The following UCMA variants were observed in gnomAD, a reference collection of about 807,000 sequenced individuals.
The protein encoded by UCMA is upper zone of growth plate and cartilage matrix associated, also known as upper zone of growth plate and cartilage matrix-associated protein.
In UCMA, 21 loss-of-function variants were observed where a neutral mutation model predicts 21.8. The ratio of observed to expected loss-of-function variants is 0.97; its 90% CI spans 0.68 to 1.39. The LOEUF (loss-of-function observed/expected upper bound fraction) is 1.39, where lower values mean the gene tolerates loss of function less well. Among genes scored for constraint, UCMA ranks in the 40% most tolerant of loss-of-function variants. UCMA has a pLI of 0.00. For missense variants in UCMA, 193 were observed against 178.9 expected, an observed-to-expected ratio of 1.08 and a Z score of -0.45; for synonymous variants, 76 against 67.9, an observed-to-expected ratio of 1.12 and a Z score of -0.58.
At position 13,233,533 on chromosome 10, in the gene UCMA, C is replaced by G; in HGVS notation, c.220+5G>C. ...CGCGGGATGGGGTCCCTCCAGCATC[C>G]TTACCATTGACCTCATCTCTGGACT... is the stretch of plus-strand genomic sequence containing the variant. On this transcript the variant is annotated splice_donor_5th_base_variant and intron_variant, in intron 3 of 4. Transcript: ENST00000378681. 6.2e-7 allele frequency: 1 copy of G among 1,613,438 alleles called. No individual in the cohort carries two copies. Among genetic ancestry groups the G allele is most frequent in the Non-Finnish European group, 8.5e-7 (1 of 1,179,662 alleles).
At position 13,233,555 on chromosome 10, in the gene UCMA, G is replaced by A. The variant is rs750185861; in HGVS notation, c.203C>T (p.Ser68Phe). The change falls in exon 3 of 5, where the codon TCC becomes TTC. Residue 68 changes from serine to phenylalanine, a missense_variant. Transcript: ENST00000378681. Reference protein sequence around the residue: ...LKRRGKRSPKSRDEVNVENRQ... With the variant: ...LKRRGKRSPKFRDEVNVENRQ... Reference sequence around the variant, plus strand: ...ATCCTTACCATTGACCTCATCTCTGGACTTGGGGGACCGCTTGCCGCGCCT... The same window carrying A: ...ATCCTTACCATTGACCTCATCTCTGAACTTGGGGGACCGCTTGCCGCGCCT... 12 of 1,614,038 alleles carry A rather than the reference G, an allele frequency of 7.4e-6. No homozygotes were observed. The Admixed American group carries it at 1.8e-4, about 25-fold the overall frequency.
chr10:13,233,947 A>T (rs1460648320), intron 1 of UCMA, 147 bp from the exon 2 acceptor site: 2 of 1,040,606 alleles, frequency 1.9e-6, no homozygotes, highest in Non-Finnish European at 2.7e-6. Flanking sequence ...TGCAGAGCCA[A>T]TCTCCCCAGG....
In UCMA at chr10:13,233,629, T is replaced by G. The variant is rs1281912215; in HGVS notation, c.129A>C (p.Ala43=). 6.2e-7 allele frequency: 1 copy of G among 1,614,142 alleles called. No individual in the cohort carries two copies. Among genetic ancestry groups the G allele is most frequent in the Admixed American group, 1.7e-5 (1 of 60,016 alleles). Residue 43 remains alanine (A), a synonymous_variant, in exon 3 of 5, where the codon GCA becomes GCC. Transcript: ENST00000378681. ...QMAGEEASED[A]KQKIFMQESD... Reference sequence around the variant, plus strand: ...ATTCCTGCATGAAAATCTTCTGTTTTGCATCTGAAACCCGGGAGAGGCCTG... The same window carrying G: ...ATTCCTGCATGAAAATCTTCTGTTTGGCATCTGAAACCCGGGAGAGGCCTG...
At position 13,223,613 on chromosome 10, in the gene UCMA, G is replaced by T. The variant is rs142292136; in HGVS notation, c.320-1413C>A. ...CTGTCACCCAGGCTGGGGTGCAGTG[G>T]CGTGATCTCGGCTCACTGTAACCTC... On this transcript the variant is annotated intron_variant, in intron 4 of 4. Coordinates refer to ENST00000378681, the MANE Select transcript of UCMA (RefSeq NM_145314.3). 6.2e-3 allele frequency among the ~76,000 whole-genome samples: 948 copies of T among 152,280 alleles called. 9 individuals are homozygous for T. Among genetic ancestry groups the T allele is most frequent in the African/African-American group, 0.018 (749 of 41,566 alleles).
chr10:13,232,233 G>A (rs538876047), intron 3 of UCMA, among the ~76,000 whole-genome samples: 9 of 151,970 alleles, frequency 5.9e-5, no homozygotes, highest in East Asian at 1.9e-4. Context: ...ATTAGCAGGC[G>A]TGGTGGCAGG....
chr10:13,226,198 A>ATTTT (rs35217195), intron 4 of UCMA, among the ~76,000 whole-genome samples: 18 of 140,596 alleles, frequency 1.3e-4, no homozygotes, highest in African/African-American at 4.7e-4. Flanking sequence ...TTTGTTGTGG[A>ATTTT]TTTTTTTTTT....
intron 3 of UCMA, among the ~76,000 whole-genome samples, chr10:13,230,505 G>A (rs1435989031): frequency 3.3e-5 from 5 of 152,180 alleles, no homozygotes; most frequent in African/African-American, 1.2e-4. Context: ...AACCCATGAA[G>A]CCAGGGAGGC....
rs551831700 is a variant in UCMA, at chr10:13,222,736, G to A, written c.320-536C>T. On this transcript the variant is annotated intron_variant, in intron 4 of 4. Transcript: ENST00000378681. ...GACGGGGTCTCAGTCTGTCACCCAG[G>A]CTGGAGTGCAGTGGCGTGATCATGA... 1.8e-3 allele frequency among the ~76,000 whole-genome samples: 279 copies of A among 152,022 alleles called. 1 individual carries two copies. The highest frequency in any genetic ancestry group is 5.9e-3 in the African/African-American group (245 of 41,488).
intron 3 of UCMA, 107 bp downstream of exon 3, chr10:13,233,431 G>A: frequency 6.9e-6 from 6 of 867,794 alleles, no homozygotes; most frequent in Non-Finnish European, 1.1e-5. Flanking sequence ...TGAGCCCTTC[G>A]TGCCCAGCTG....
intron 3 of UCMA, 86 bp from the exon 4 acceptor site, chr10:13,229,795 A>G: frequency 9.0e-7 from 1 of 1,109,842 alleles, no homozygotes; most frequent in East Asian, 2.4e-5. Context: ...TTCATCTGAG[A>G]AGTCACCTGG....
intron 4 of UCMA, among the ~76,000 whole-genome samples, chr10:13,222,995 C>A (rs976699415): frequency 6.6e-6 from 1 of 151,744 alleles, no homozygotes; most frequent in Non-Finnish European, 1.5e-5. Context: ...GAGGCTGAGG[C>A]TGGCAGATCA....
Position 13,234,341 on chromosome 10 carries a change from G to C in UCMA, c.-83C>G. ...CCTTTGGGTCCCCACTTCTGAGGCA[G>C]GCAGCCCAGGCGAGAGGAAGGAAGG... On this transcript the variant is annotated 5_prime_UTR_variant, in exon 1 of 5. Coordinates refer to ENST00000378681, the MANE Select transcript of UCMA (RefSeq NM_145314.3). 1 of 1,453,212 alleles carries C rather than the reference G, an allele frequency of 6.9e-7. No homozygotes were observed. Among genetic ancestry groups the C allele is most frequent in the South Asian group, 1.3e-5 (1 of 78,730 alleles). 90.0% of individuals were successfully genotyped at this position (1,453,212 alleles called of 1,614,324 possible).
intron 3 of UCMA, among the ~76,000 whole-genome samples, chr10:13,232,847 T>G (rs944579287): frequency 2.0e-5 from 3 of 151,550 alleles, no homozygotes; most frequent in East Asian, 1.9e-4. Context: ...GGTTGGCAGG[T>G]GAAGGGCATG....
At chr10:13,224,423 AAAAGG>A (rs1164197933) in intron 4 of UCMA, among the ~76,000 whole-genome samples, 1 of 152,090 alleles carries the variant, frequency 6.6e-6, no homozygotes, top group African/African-American at 2.4e-5. Context: ...AAAAGAAAGG[AAAAGG>A]AAGAAAGAAA....
chr10:13,230,300 C>T (rs1404365954), intron 3 of UCMA, among the ~76,000 whole-genome samples: 2 of 151,904 alleles, frequency 1.3e-5, no homozygotes, highest in African/African-American at 4.8e-5. Context: ...AGAGCGAGAC[C>T]CTGTCTCAAA....
intron 3 of UCMA, 43 bp from the exon 4 acceptor site, chr10:13,229,752 GACACTTAGGGGCAC>G (rs778363402): frequency 2.0e-5 from 31 of 1,537,590 alleles, no homozygotes; most frequent in African/African-American, 4.1e-5. Flanking sequence ...CAAGAATGAG[GACACTTAGGGGCAC>G]ACACTTAGGG....
At position 13,222,057 on chromosome 10, in the gene UCMA, C is replaced by T; in HGVS notation, c.*46G>A. ...AAAGATTGCTGGAACACGGGGATGCCAATGGTGCTACAAGCTTTGTCTTCT... is the reference window on the plus strand; with the variant it reads ...AAAGATTGCTGGAACACGGGGATGCTAATGGTGCTACAAGCTTTGTCTTCT... On this transcript the variant is annotated 3_prime_UTR_variant, in exon 5 of 5. Coordinates refer to ENST00000378681, the MANE Select transcript of UCMA (RefSeq NM_145314.3). The T allele has an allele frequency of 6.2e-7, 1 of 1,602,108 alleles. No homozygotes were observed.
In UCMA at chr10:13,234,285, G is replaced by C; in HGVS notation, c.-27C>G. 3 of 1,612,050 alleles carry C rather than the reference G, an allele frequency of 1.9e-6. No homozygotes were observed. The highest frequency in any genetic ancestry group is 2.5e-6 in the Non-Finnish European group (3 of 1,179,490). ...TTTGCAGAGGTAGGGGCTCCGTCCAGGACCCACAAGGCAGACCAGGCGTCC... is the reference window on the plus strand; with the variant it reads ...TTTGCAGAGGTAGGGGCTCCGTCCACGACCCACAAGGCAGACCAGGCGTCC... On this transcript the variant is annotated 5_prime_UTR_variant, in exon 1 of 5. Transcript: ENST00000378681.
At chr10:13,225,696 G>A (rs942343437) in intron 4 of UCMA, among the ~76,000 whole-genome samples, 3 of 140,024 alleles carry the variant, frequency 2.1e-5, no homozygotes, top group Admixed American at 7.2e-5. Context: ...AAAAAGAATA[G>A]GTGACTTGGT....
Sources: allele counts gnomAD v4.1 joint callset (sites outside exome capture counted in the v4.1 genomes callset), GRCh38; gene constraint gnomAD v4.1.1; transcripts MANE v1.5; gene names NCBI Gene and HGNC (gene_info 2026-07-23, HGNC 2026-07-21).